The following MAFK variants were observed in gnomAD, a reference collection of about 807,000 sequenced individuals.
MAFK encodes transcription factor MafK.
In MAFK, 1 loss-of-function variant was observed where a neutral mutation model predicts 9.2. That is an observed-to-expected ratio of 0.11 (90% confidence interval 0.04 to 0.52). The LOEUF (loss-of-function observed/expected upper bound fraction) is 0.52, where lower values mean the gene tolerates loss of function less well. Ranked by LOEUF, MAFK falls within the 20% of genes least tolerant of loss-of-function variation. MAFK has a pLI of 0.94. For synonymous variants in MAFK, 110 were observed against 107.4 expected (o/e 1.02, Z -0.15); for missense variants, 207 against 236.0 (o/e 0.88, Z 0.81).
intron 1 of MAFK, among the ~76,000 whole-genome samples, chr7:1,531,629 C>G (rs565829311): frequency 6.6e-6 from 1 of 152,194 alleles, no homozygotes; most frequent in Non-Finnish European, 1.5e-5. Flanking sequence ...GCTCCCACTG[C>G]GTGAGTTCTT....
chr7:1,538,451 G>T, intron 1 of MAFK: 1 of 984,460 alleles, frequency 1.0e-6, no homozygotes, highest in Non-Finnish European at 1.2e-6. Flanking sequence ...CAGCGGCCAG[G>T]GCCGTGGTAG....
In MAFK at chr7:1,534,942, C is replaced by T. The variant is rs1383421750; in HGVS notation, c.-45+4044C>T. ...CCTAAAAGATAAGGTCTTGCCCTGTCACTCAGGCTGCTGGAGTGCAGTGGT... is the reference window on the plus strand; with the variant it reads ...CCTAAAAGATAAGGTCTTGCCCTGTTACTCAGGCTGCTGGAGTGCAGTGGT... On this transcript the variant is annotated intron_variant, in intron 1 of 2. Transcript: ENST00000343242. This position sits in a 1 kb window ranked among gnomAD's most constrained non-coding sequence, Gnocchi z 4.3. Among the ~76,000 whole-genome samples, 1 of 151,994 alleles carries T rather than the reference C, an allele frequency of 6.6e-6. No individual in the cohort carries two copies. The highest frequency in any genetic ancestry group is 1.5e-5 in the Non-Finnish European group (1 of 67,990).
rs555057484 is a variant in MAFK at position 1,537,347 on chromosome 7, G to A, written c.-44-1802G>A. 5 of 983,764 alleles carry A rather than the reference G, an allele frequency of 5.1e-6. No homozygotes were observed. The African/African-American group carries it at 8.7e-5, about 17-fold the overall frequency. 60.9% of individuals were successfully genotyped at this position (983,764 alleles called of 1,614,324 possible). On this transcript the variant is annotated intron_variant, in intron 1 of 2. Transcript: ENST00000343242. Reference sequence around the variant, plus strand: ...GGTGTGTGGGAATGCGCGCGGCTCTGTAAACATCTGGTGACTCACCGCATA... The same window carrying A: ...GGTGTGTGGGAATGCGCGCGGCTCTATAAACATCTGGTGACTCACCGCATA...
At position 1,540,151 on chromosome 7, in the gene MAFK, C is replaced by A; in HGVS notation, c.247C>A (p.Arg83Ser). The change falls in exon 3 of 3, where the codon CGC (arginine) becomes AGC (serine). Residue 83 changes from arginine to serine, a missense_variant. Transcript: ENST00000343242. ...GCAGAAGGAGGAGCTGGAGCGGCAG[C>A]GCGTGGAGCTGCAGCAGGAGGTGGA... is the stretch of plus-strand genomic sequence containing the variant. ...VTQKEELERQ[R>S]VELQQEVEKL... The A allele has an allele frequency of 1.3e-6, 2 of 1,569,936 alleles. No individual in the cohort carries two copies. Among genetic ancestry groups the A allele is most frequent in the Non-Finnish European group, 1.7e-6 (2 of 1,157,962 alleles).
At chr7:1,533,944 G>C in intron 1 of MAFK, 1 of 289,106 alleles carries the variant, frequency 3.5e-6, no homozygotes, top group South Asian at 2.9e-5. Context: ...GCCAGGGCGG[G>C]GACTGGAGGG....
Position 1,542,441 on chromosome 7 carries a change from C to T in MAFK, c.*2066C>T, listed in dbSNP as rs996580888. On this transcript the variant is annotated 3_prime_UTR_variant, in exon 3 of 3. Coordinates refer to ENST00000343242, the MANE Select transcript of MAFK (RefSeq NM_002360.4). ...AGGCAGCTGGGCCCCGCAGGACAGG[C>T]CGCAGCGGGTGGCCGGTTCTGTCCC... The T allele has an allele frequency of 1.3e-5, 2 of 152,386 alleles. No homozygotes were observed. Among genetic ancestry groups the T allele is most frequent in the African/African-American group, 4.8e-5 (2 of 41,438 alleles). The allele number at this position is 152,386 out of a possible 1,614,324, so 9.4% of individuals were successfully genotyped here.
chr7:1,537,951 T>C (rs1413107158), intron 1 of MAFK: 2 of 155,768 alleles, frequency 1.3e-5, no homozygotes, highest in Non-Finnish European at 2.8e-5. Context: ...CTGTGTCTGG[T>C]ATTTGGGGTA....
At chr7:1,537,000 T>C (rs973223525) in intron 1 of MAFK, among the ~76,000 whole-genome samples, 2 of 152,266 alleles carry the variant, frequency 1.3e-5, no homozygotes, top group Admixed American at 6.5e-5. Context: ...TGCCTCGAAG[T>C]ACTGGGGTTG....
rs1045092734 is a variant in MAFK at position 1,537,316 on chromosome 7, G to A, written c.-44-1833G>A. On this transcript the variant is annotated intron_variant, in intron 1 of 2. Coordinates refer to ENST00000343242, the MANE Select transcript of MAFK (RefSeq NM_002360.4). The stretch of plus-strand genomic sequence containing the variant: ...AGGAGCGGGTCCTTGCTGGGTGGGA[G>A]GCCCGGGTGTGTGGGAATGCGCGCG... The A allele has an allele frequency of 5.4e-6, 5 of 930,766 alleles. No individual in the cohort carries two copies. In the Admixed American group the frequency reaches 1.9e-4, roughly 34 times the overall value. 57.7% of individuals were successfully genotyped at this position (930,766 alleles called of 1,614,324 possible).
Position 1,540,350 on chromosome 7 carries a change from C to T in MAFK, c.446C>T (p.Ser149Phe), listed in dbSNP as rs1332156855. 1 of 1,584,130 alleles carries T rather than the reference C, an allele frequency of 6.3e-7. No homozygotes were observed. The highest frequency in any genetic ancestry group is 8.6e-7 in the Non-Finnish European group (1 of 1,161,730). Residue 149 changes from serine (S) to phenylalanine (F), a missense_variant, in exon 3 of 3, where the codon TCC becomes TTC. Transcript: ENST00000343242. ...IVKSTELSST[S>F]VPFSAAS ...AAGTCCACCGAGCTCTCCTCCACCTCCGTGCCCTTCTCGGCTGCATCCTAG... is the reference window on the plus strand; with the variant it reads ...AAGTCCACCGAGCTCTCCTCCACCTTCGTGCCCTTCTCGGCTGCATCCTAG...
Position 1,539,932 on chromosome 7 carries a change from G to GC in MAFK, c.37-3dup, listed in dbSNP as rs1265798564. On this transcript the variant is annotated splice_polypyrimidine_tract_variant and intron_variant, in intron 2 of 2. Transcript: ENST00000343242. Reference sequence around the variant, plus strand: ...CTCCCGCCGCTGACCCCGCACTGTGGCCCCCCAGGTCAAGAAGGAGGCGGG... The same window carrying GC: ...CTCCCGCCGCTGACCCCGCACTGTGGCCCCCCCAGGTCAAGAAGGAGGCGGG... 2.0e-6 allele frequency: 3 copies of GC among 1,515,878 alleles called. No homozygotes were observed. The highest frequency in any genetic ancestry group is 1.4e-5 in the African/African-American group (1 of 72,290). The allele number at this position is 1,515,878 out of a possible 1,614,324, so 93.9% of individuals were successfully genotyped here.
At chr7:1,536,057 C>G (rs77709192) in intron 1 of MAFK, among the ~76,000 whole-genome samples, 1 of 152,206 alleles carries the variant, frequency 6.6e-6, no homozygotes, top group South Asian at 2.1e-4. Context: ...CTCTTCCATC[C>G]GAAAACCAGT....
In MAFK at chr7:1,540,000, G is replaced by A. The variant is rs1701865992; in HGVS notation, c.96G>A (p.Met32Ile). The A allele has an allele frequency of 5.1e-6, 8 of 1,557,320 alleles. No individual in the cohort carries two copies. Among genetic ancestry groups the A allele is most frequent in the East Asian group, 4.8e-5 (2 of 41,536 alleles). ...PVLSDDELVS[M>I]SVRELNQHLR... ...TCAGCGATGATGAGCTGGTGTCCATGTCGGTGCGGGAGCTGAACCAGCACC... is the reference window on the plus strand; with the variant it reads ...TCAGCGATGATGAGCTGGTGTCCATATCGGTGCGGGAGCTGAACCAGCACC... Residue 32 changes from methionine to isoleucine, a missense_variant, in exon 3 of 3, where the codon ATG becomes ATA. Physicochemically the swap from Met to Ile is conservative, Grantham distance 10. Coordinates refer to ENST00000343242, the MANE Select transcript of MAFK (RefSeq NM_002360.4).
intron 1 of MAFK, chr7:1,537,654 G>A: frequency 3.0e-6 from 3 of 985,592 alleles, no homozygotes; most frequent in Non-Finnish European, 3.6e-6. Context: ...GCTGGCCTTG[G>A]CAGGGGCAGC....
chr7:1,539,306 C>T, intron 2 of MAFK, 78 bp downstream of exon 2: 2 of 1,247,200 alleles, frequency 1.6e-6, no homozygotes, highest in Non-Finnish European at 2.3e-6. Flanking sequence ...CCTGCTATCC[C>T]AGGGCCGTCC....
At chr7:1,537,598 C>T (rs1012983922) in intron 1 of MAFK, 4 of 985,434 alleles carry the variant, frequency 4.1e-6, no homozygotes, top group Non-Finnish European at 4.8e-6. Flanking sequence ...GTCCCCGGGA[C>T]CGGCTGGTGC....
rs1218796613 is a variant in MAFK, at chr7:1,540,370, T to G, written c.466T>G (p.Ser156Ala). The change falls in exon 3 of 3, where the codon TCC becomes GCC. Residue 156 changes from serine to alanine, a missense_variant. Transcript: ENST00000343242. ...CACCTCCGTGCCCTTCTCGGCTGCA[T>G]CCTAGTGCCGGCCGGGGGCGGGGGG... ...SSTSVPFSAA[S>A] is the part of the protein sequence containing the mutation. The G allele has an allele frequency of 7.7e-7, 1 of 1,297,770 alleles. No individual in the cohort carries two copies. The highest frequency in any genetic ancestry group is 1.6e-5 in the African/African-American group (1 of 62,074). The allele number at this position is 1,297,770 out of a possible 1,614,324, so 80.4% of individuals were successfully genotyped here.
At position 1,532,275 on chromosome 7, in the gene MAFK, C is replaced by T. The variant is rs963069348; in HGVS notation, c.-45+1377C>T. ...TCAGGGACATGGAGCATTAAAAGAG[C>T]CGTGGGCGGGGTCTGGAGAACATAG... On this transcript the variant is annotated intron_variant, in intron 1 of 2. Transcript: ENST00000343242. This position sits in a 1 kb window ranked among gnomAD's most constrained non-coding sequence, Gnocchi z 4.5. Among the ~76,000 whole-genome samples the T allele has an allele frequency of 1.3e-5, 2 of 152,158 alleles. No individual in the cohort carries two copies. The highest frequency in any genetic ancestry group is 3.9e-4 in the East Asian group (2 of 5,190).
chr7:1,536,847 T>C (rs1784042297), intron 1 of MAFK, among the ~76,000 whole-genome samples: 1 of 152,196 alleles, frequency 6.6e-6, no homozygotes, highest in African/African-American at 2.4e-5. Flanking sequence ...TCCAGGCGCG[T>C]GGCTGGTCCA....
Sources: allele counts gnomAD v4.1 joint callset (sites outside exome capture counted in the v4.1 genomes callset), GRCh38; gene constraint gnomAD v4.1.1; non-coding constraint Gnocchi (gnomAD v3.1); transcripts MANE v1.5; gene names NCBI Gene and HGNC (gene_info 2026-07-23, HGNC 2026-07-21).